Variants in CBFA2T3 observed in about 807,000 individuals in gnomAD.
CBFA2T3 encodes CBFA2/RUNX1 partner transcriptional co-repressor 3, also known as transcriptional corepressor CBFA2T3.
CBFA2T3 carries 31 observed loss-of-function variants against 58.6 expected under a neutral mutation model. That is an observed-to-expected ratio of 0.53 (90% confidence interval 0.40 to 0.71). CBFA2T3 has a LOEUF of 0.71. Among genes scored for constraint, CBFA2T3 ranks in the 30% least tolerant of loss-of-function variants. The probability of loss-of-function intolerance (pLI) is 0.00; values close to 1 mark genes in which losing one functional copy is unlikely to be tolerated. For missense variants in CBFA2T3, 1,076 were observed against 963.1 expected, an observed-to-expected ratio of 1.12 and a Z score of -1.55; for synonymous variants, 531 against 421.9, an observed-to-expected ratio of 1.26 and a Z score of -3.17.
At position 88,875,335 on chromosome 16, in the gene CBFA2T3, G is replaced by C. The variant is rs1968790583; in HGVS notation, c.*1641C>G. The C allele has an allele frequency of 4.5e-6, 1 of 223,734 alleles. No individual in the cohort carries two copies. Among genetic ancestry groups the C allele is most frequent in the African/African-American group, 2.2e-5 (1 of 44,542 alleles). The allele number at this position is 223,734 out of a possible 1,614,324, so 13.9% of individuals were successfully genotyped here. A position where few individuals can be genotyped will look rare whatever the true frequency, so the allele number is the denominator to read the frequency against. On this transcript the variant is annotated 3_prime_UTR_variant, in exon 12 of 12. Transcript: ENST00000268679. The stretch of plus-strand genomic sequence containing the variant: ...CTGAGGCAGTTGAGAGGAGTGGAGG[G>C]AGGGTGGGCAGGGCTGGAGGATGGG...
At position 88,892,475 on chromosome 16, in the gene CBFA2T3, G is replaced by C. The variant is rs111509529; in HGVS notation, c.390C>G (p.Gly130=). ...TGATGGCTGTTGGTGAGTGGCTGCT[G>C]CCGTTCATCACTGCAGGAGGGAAGC... ...KWSMVCLLMN[G]SSHSPTAING... Residue 130 remains glycine, a synonymous_variant, in exon 4 of 12, where the codon GGC becomes GGG. Coordinates refer to ENST00000268679, the MANE Select transcript of CBFA2T3 (RefSeq NM_005187.6). 6.2e-7 allele frequency: 1 copy of C among 1,612,508 alleles called. No individual in the cohort carries two copies. Among genetic ancestry groups the C allele is most frequent in the African/African-American group, 1.3e-5 (1 of 75,062 alleles).
intron 8 of CBFA2T3, 62 bp downstream of exon 8, chr16:88,882,614 G>A: frequency 3.9e-6 from 4 of 1,027,270 alleles, no homozygotes; most frequent in South Asian, 1.4e-5. Flanking sequence ...GCGTGGCTGT[G>A]TGTGTGCGTG....
chr16:88,932,690 G>A (rs1312230731), intron 1 of CBFA2T3, among the ~76,000 whole-genome samples: 1 of 143,448 alleles, frequency 7.0e-6, no homozygotes, highest in African/African-American at 2.6e-5. Flanking sequence ...GTTCACGCCT[G>A]TCATCCCAGC....
chr16:88,898,076 A>T lies in CBFA2T3; in HGVS notation c.379+2T>A. Reference sequence around the variant, plus strand: ...GCCTGCGGTTTTTGTTATTTTACTTACAGAGACAGACCATAGACCATTTTA... The same window carrying T: ...GCCTGCGGTTTTTGTTATTTTACTTTCAGAGACAGACCATAGACCATTTTA... On this transcript the variant is annotated splice_donor_variant, in intron 3 of 11. Coordinates refer to ENST00000268679, the MANE Select transcript of CBFA2T3 (RefSeq NM_005187.6). LOFTEE classifies it high-confidence loss of function. 6.2e-7 allele frequency: 1 copy of T among 1,610,294 alleles called. No individual in the cohort carries two copies. The highest frequency in any genetic ancestry group is 8.5e-7 in the Non-Finnish European group (1 of 1,177,050).
rs1968801474 is a variant in CBFA2T3, at chr16:88,875,627, G to A, written c.*1349C>T. ...TGAGAGAGGTCGGAGCTGGGGTGAG[G>A]GGGCCGAGAGAGGTCGGAGGGCGCG... On this transcript the variant is annotated 3_prime_UTR_variant, in exon 12 of 12. Transcript: ENST00000268679. The A allele has an allele frequency of 3.0e-5, 7 of 233,762 alleles. No individual in the cohort carries two copies. In the East Asian group the frequency reaches 3.0e-4, roughly 10 times the overall value. 14.5% of individuals were successfully genotyped at this position (233,762 alleles called of 1,614,324 possible).
At chr16:88,916,497 GGGT>G (rs1970740028) in intron 1 of CBFA2T3, among the ~76,000 whole-genome samples, 2 of 152,130 alleles carry the variant, frequency 1.3e-5, no homozygotes, top group African/African-American at 4.8e-5. Flanking sequence ...TGTATTCGTG[GGGT>G]GGGTGTTGCG....
At chr16:88,929,268 G>A (rs566260421) in intron 1 of CBFA2T3, among the ~76,000 whole-genome samples, 12 of 123,644 alleles carry the variant, frequency 9.7e-5, no homozygotes, top group East Asian at 6.3e-4. Context: ...GAACCAGCCC[G>A]TGACCTCAGG....
chr16:88,931,051 T>C (rs1053912420), intron 1 of CBFA2T3, among the ~76,000 whole-genome samples: 4 of 151,988 alleles, frequency 2.6e-5, no homozygotes, highest in African/African-American at 9.7e-5. Context: ...GCGGGGAGAC[T>C]GAGACAGGCA....
chr16:88,881,327 G>GGGGCC lies in CBFA2T3; in HGVS notation c.1361_1365dup (p.Arg456GlyfsTer14). The GGGGCC allele has an allele frequency of 6.3e-7, 1 of 1,587,146 alleles. No individual in the cohort carries two copies. Among genetic ancestry groups the GGGGCC allele is most frequent in the South Asian group, 1.1e-5 (1 of 89,044 alleles). Reference sequence around the variant, plus strand: ...CCTTCGGGACCGGCGGAGCTGCTGCGGGGCCGGGCCGCGGCGGGAGCGGGG... The same window carrying GGGGCC: ...CCTTCGGGACCGGCGGAGCTGCTGCGGGGCCGGGCCGGGCCGCGGCGGGAGCGGGG... On this transcript the variant is annotated frameshift_variant, in exon 9 of 12. Coordinates refer to ENST00000268679, the MANE Select transcript of CBFA2T3 (RefSeq NM_005187.6). LOFTEE classifies it high-confidence loss of function.
chr16:88,903,663 G>C (rs917247961), intron 1 of CBFA2T3, among the ~76,000 whole-genome samples: 4 of 137,400 alleles, frequency 2.9e-5, no homozygotes, highest in South Asian at 2.7e-4. Context: ...CCCGGCTGGG[G>C]GGGGGGGCGT....
rs1272919921 is a variant in CBFA2T3 at position 88,951,417 on chromosome 16, C to T, written c.151+25240G>A. ...CTTTGAGAGGTATCATTAGCTGCGT[C>T]TTATTTTATTTTCACCTTCTTTTCT... On this transcript the variant is annotated intron_variant, in intron 1 of 11. Coordinates refer to ENST00000268679, the MANE Select transcript of CBFA2T3 (RefSeq NM_005187.6). 4 of 429,918 alleles carry T rather than the reference C, an allele frequency of 9.3e-6. No homozygotes were observed. In the Admixed American group the frequency reaches 1.0e-4, roughly 11 times the overall value. 26.6% of individuals were successfully genotyped at this position (429,918 alleles called of 1,614,324 possible). A position where few individuals can be genotyped will look rare whatever the true frequency, so the allele number is the denominator to read the frequency against.
intron 8 of CBFA2T3, 96 bp from the exon 9 acceptor site, chr16:88,881,585 G>A: frequency 3.1e-6 from 4 of 1,292,138 alleles, no homozygotes; most frequent in Non-Finnish European, 4.3e-6. Context: ...GACAGGATGG[G>A]TGCCCGACCA....
intron 3 of CBFA2T3, 54 bp from the exon 4 acceptor site, chr16:88,892,539 C>G (rs1257762147): frequency 1.2e-6 from 2 of 1,600,228 alleles, no homozygotes; most frequent in African/African-American, 2.7e-5. Context: ...CAACACAACC[C>G]AGACGGCGGC....
At chr16:88,974,698 G>A (rs1972750031) in intron 1 of CBFA2T3, among the ~76,000 whole-genome samples, 1 of 152,148 alleles carries the variant, frequency 6.6e-6, no homozygotes, top group Non-Finnish European at 1.5e-5. Flanking sequence ...TGGGAGGCCT[G>A]TGTGCCTGAC....
chr16:88,882,597 T>C (rs1969164136), intron 8 of CBFA2T3, 79 bp downstream of exon 8: 6 of 797,934 alleles, frequency 7.5e-6, no homozygotes, highest in Non-Finnish European at 2.0e-6. Context: ...TGTGCATGGC[T>C]GTGTGTGCGT....
chr16:88,921,590 T>G (rs1231827598), intron 1 of CBFA2T3, among the ~76,000 whole-genome samples: 1 of 146,110 alleles, frequency 6.8e-6, no homozygotes, highest in Non-Finnish European at 1.5e-5. Flanking sequence ...TGGGCCACAT[T>G]TTGCTGGGGG....
intron 1 of CBFA2T3, among the ~76,000 whole-genome samples, chr16:88,918,360 T>A (rs1294944263): frequency 6.6e-6 from 1 of 152,160 alleles, no homozygotes; most frequent in African/African-American, 2.4e-5. Flanking sequence ...TGCCCTGGCA[T>A]CAGAAGGGGC....
rs534133514 is a variant in CBFA2T3 at position 88,945,921 on chromosome 16, G to A, written c.151+30736C>T. Among the ~76,000 whole-genome samples the A allele has an allele frequency of 3.9e-5, 6 of 152,308 alleles. No individual in the cohort carries two copies. In the East Asian group the frequency reaches 7.7e-4, roughly 20 times the overall value. On this transcript the variant is annotated intron_variant, in intron 1 of 11. Coordinates refer to ENST00000268679, the MANE Select transcript of CBFA2T3 (RefSeq NM_005187.6). ...CCAAAACTTAGAAGCGACTGAGACC[G>A]CCTTCAACAGGTGAATACATAAAAT...
intron 2 of CBFA2T3, among the ~76,000 whole-genome samples, chr16:88,901,001 G>C (rs903627143): frequency 6.6e-6 from 1 of 152,246 alleles, no homozygotes; most frequent in African/African-American, 2.4e-5. Context: ...TGGAGCTCCT[G>C]AGATCTGAGC....
Sources: allele counts gnomAD v4.1 joint callset (sites outside exome capture counted in the v4.1 genomes callset), GRCh38; gene constraint gnomAD v4.1.1; transcripts MANE v1.5; gene names NCBI Gene and HGNC (gene_info 2026-07-23, HGNC 2026-07-21).